The following THRB variants were observed in gnomAD, a reference collection of about 807,000 sequenced individuals.
The protein encoded by THRB is nuclear receptor subfamily 1 group A member 2.
A neutral mutation model predicts 47.8 loss-of-function variants in THRB; 12 were observed. The observed-to-expected ratio is 0.25, with a 90% CI of 0.16 to 0.41. The LOEUF (loss-of-function observed/expected upper bound fraction) is 0.41. Ranked by LOEUF, THRB falls within the 10% of genes least tolerant of loss-of-function variation. The pLI is 1.00. For missense variants in THRB, 348 were observed against 589.2 expected (o/e 0.59, Z 4.24); for synonymous variants, 218 against 212.2 (o/e 1.03, Z -0.24).
At chr3:24,129,879 G>A (rs1044447756) in intron 9 of THRB, among the ~76,000 whole-genome samples, 2 of 152,172 alleles carry the variant, frequency 1.3e-5, no homozygotes, top group Admixed American at 6.5e-5. Context: ...TGAAGCCCCT[G>A]GTGTCATGCC....
chr3:24,145,143 A>G (rs1172595148), intron 7 of THRB, among the ~76,000 whole-genome samples: 1 of 151,690 alleles, frequency 6.6e-6, no homozygotes, highest in Non-Finnish European at 1.5e-5. Context: ...CCCCTTCCCA[A>G]ATGCTTCCGG....
At chr3:24,236,228 T>C (rs891139213) in intron 3 of THRB, among the ~76,000 whole-genome samples, 11 of 152,182 alleles carry the variant, frequency 7.2e-5, no homozygotes, top group Admixed American at 3.9e-4. Flanking sequence ...ATCCCAGGTA[T>C]GGAGGAAAGG....
chr3:24,185,996 C>A (rs1045904489), intron 5 of THRB, among the ~76,000 whole-genome samples: 1 of 152,152 alleles, frequency 6.6e-6, no homozygotes, highest in Non-Finnish European at 1.5e-5. Context: ...ATAAGCTAGG[C>A]CCAAAGACAG....
Position 24,404,327 on chromosome 3 carries a change from C to T in THRB, c.-260-66956G>A, listed in dbSNP as rs1172157910. Among the ~76,000 whole-genome samples, 3 of 151,916 alleles carry T rather than the reference C, an allele frequency of 2.0e-5. No individual in the cohort carries two copies. In the East Asian group the frequency reaches 5.8e-4, roughly 29 times the overall value. On this transcript the variant is annotated intron_variant, in intron 1 of 10. Transcript: ENST00000646209. ...TGATAGGGTTTCAAACTCCATATTG[C>T]AACTGTCCTTGAAGAATCTACAACT...
intron 1 of THRB, among the ~76,000 whole-genome samples, chr3:24,382,962 C>T (rs1411953845): frequency 6.6e-6 from 1 of 152,134 alleles, no homozygotes; most frequent in Admixed American, 6.6e-5. Flanking sequence ...GGGTCTTCTG[C>T]ATACTTTCTT....
intron 4 of THRB, among the ~76,000 whole-genome samples, chr3:24,199,177 A>G (rs1417047939): frequency 6.6e-6 from 1 of 152,146 alleles, no homozygotes; most frequent in Non-Finnish European, 1.5e-5. Flanking sequence ...ATCAGGGTGC[A>G]CTCATCTCAA....
chr3:24,272,095 A>G (rs1166009270), intron 3 of THRB, among the ~76,000 whole-genome samples: 1 of 152,172 alleles, frequency 6.6e-6, no homozygotes, highest in East Asian at 1.9e-4. Context: ...TAATTCCAAC[A>G]CTTTGGGATG....
intron 1 of THRB, among the ~76,000 whole-genome samples, chr3:24,355,931 G>T (rs1013409793): frequency 6.6e-6 from 1 of 152,028 alleles, no homozygotes; most frequent in African/African-American, 2.4e-5. Context: ...AACTCATTCT[G>T]GCAACAACTC....
intron 2 of THRB, among the ~76,000 whole-genome samples, chr3:24,301,049 G>A (rs1321606338): frequency 6.6e-6 from 1 of 152,142 alleles, no homozygotes; most frequent in Non-Finnish European, 1.5e-5. Context: ...GGGAGAAGCG[G>A]TGAGGGCCAG....
intron 3 of THRB, among the ~76,000 whole-genome samples, chr3:24,264,178 CCTT>C (rs1559769829): frequency 6.6e-6 from 1 of 152,104 alleles, no homozygotes; most frequent in Non-Finnish European, 1.5e-5. Context: ...TCACAGACCT[CCTT>C]CTTTTCCTCA....
intron 4 of THRB, among the ~76,000 whole-genome samples, chr3:24,203,029 C>T (rs1248057594): frequency 3.3e-5 from 5 of 152,198 alleles, no homozygotes; most frequent in African/African-American, 9.7e-5. Context: ...AGGACTATTG[C>T]TTTGAGAGAG....
intron 1 of THRB, among the ~76,000 whole-genome samples, chr3:24,391,534 A>G (rs1173384270): frequency 6.6e-6 from 1 of 152,172 alleles, no homozygotes; most frequent in Non-Finnish European, 1.5e-5. Context: ...AAAATATTTT[A>G]TTTTTAAACA....
At chr3:24,327,569 T>G (rs1331055446) in intron 2 of THRB, among the ~76,000 whole-genome samples, 1 of 152,250 alleles carries the variant, frequency 6.6e-6, no homozygotes, top group Non-Finnish European at 1.5e-5. Context: ...TTCTAGGTAC[T>G]TGGGATATAT....
At chr3:24,323,525 C>G (rs1209484500) in intron 2 of THRB, among the ~76,000 whole-genome samples, 1 of 152,174 alleles carries the variant, frequency 6.6e-6, no homozygotes, top group Non-Finnish European at 1.5e-5. Context: ...TGGAGTGAGT[C>G]CTGAGATTCT....
intron 3 of THRB, among the ~76,000 whole-genome samples, chr3:24,272,456 A>G (rs867553536): frequency 8.5e-5 from 13 of 152,230 alleles, no homozygotes; most frequent in East Asian, 1.9e-4. Flanking sequence ...TTCCCTATAT[A>G]CCATGTTTGT....
intron 3 of THRB, among the ~76,000 whole-genome samples, chr3:24,295,155 G>A (rs1175649711): frequency 2.6e-5 from 4 of 152,146 alleles, no homozygotes. Context: ...TTCTTTATAG[G>A]AGGTCAAACA....
At chr3:24,239,835 C>A (rs1342264138) in intron 3 of THRB, among the ~76,000 whole-genome samples, 1 of 152,112 alleles carries the variant, frequency 6.6e-6, no homozygotes, top group Non-Finnish European at 1.5e-5. Flanking sequence ...CATGCTGTAA[C>A]AGAGATTCCC....
chr3:24,417,337 T>C (rs1577416535), intron 1 of THRB, among the ~76,000 whole-genome samples: 1 of 151,944 alleles, frequency 6.6e-6, no homozygotes, highest in Admixed American at 6.6e-5. Flanking sequence ...TGTTCCTGTC[T>C]GGGCTTCTAA....
At chr3:24,164,423 C>T (rs1246271329) in intron 5 of THRB, among the ~76,000 whole-genome samples, 1 of 152,126 alleles carries the variant, frequency 6.6e-6, no homozygotes, top group Non-Finnish European at 1.5e-5. Flanking sequence ...AGTAAAGTTT[C>T]TCAGTTTTTG....
Sources: allele counts gnomAD v4.1 joint callset (sites outside exome capture counted in the v4.1 genomes callset), GRCh38; gene constraint gnomAD v4.1.1; transcripts MANE v1.5; gene names NCBI Gene and HGNC (gene_info 2026-07-23, HGNC 2026-07-21).